CTTNBP2: variants seen among roughly 807,000 people sequenced by gnomAD.
The protein encoded by CTTNBP2 is cortactin binding protein 2, also known as cortactin-binding protein 2.
A neutral mutation model predicts 156.9 loss-of-function variants in CTTNBP2; 108 were observed. The ratio of observed to expected loss-of-function variants is 0.69; its 90% CI spans 0.59 to 0.81. CTTNBP2 has a LOEUF of 0.81. Among genes scored for constraint, CTTNBP2 ranks in the 30% least tolerant of loss-of-function variants. The pLI, the probability that CTTNBP2 is intolerant of heterozygous loss-of-function variation, is 0.00. For missense variants in CTTNBP2, 1,924 were observed against 2,035.4 expected (o/e 0.95, Z 1.05); for synonymous variants, 767 against 751.8 (o/e 1.02, Z -0.33).
At chr7:117,826,402 GTAAGTC>G (rs1482962008) in intron 2 of CTTNBP2, among the ~76,000 whole-genome samples, 1 of 152,102 alleles carries the variant, frequency 6.6e-6, no homozygotes, top group African/African-American at 2.4e-5. Context: ...CAGTTCTAAC[GTAAGTC>G]AAATGATGTG....
In CTTNBP2 at chr7:117,735,090, C is replaced by G; in HGVS notation, c.3699G>C (p.Leu1233=). The stretch of plus-strand genomic sequence containing the variant: ...TCTCATGAAAGTAATAACATTCGGA[C>G]AGTCCATTTCCTGAAACAAACCAAA... ...SPCTFQKGNG[L]SECYYFHENC... Residue 1233 remains leucine (L), a synonymous_variant, in exon 16 of 23, where the codon CTG becomes CTC. Transcript: ENST00000160373. 1 of 1,612,186 alleles carries G rather than the reference C, an allele frequency of 6.2e-7. No individual in the cohort carries two copies. The highest frequency in any genetic ancestry group is 1.7e-4 in the Middle Eastern group (1 of 6,048).
chr7:117,771,811 A>G (rs1053259454), intron 8 of CTTNBP2, among the ~76,000 whole-genome samples: 1 of 152,224 alleles, frequency 6.6e-6, no homozygotes, highest in Non-Finnish European at 1.5e-5. Context: ...AATAAAGTAC[A>G]TGCTCTCTAA....
At chr7:117,799,483 CAAAGA>C (rs944487523) in intron 3 of CTTNBP2, among the ~76,000 whole-genome samples, 3 of 151,076 alleles carry the variant, frequency 2.0e-5, no homozygotes, top group Non-Finnish European at 4.4e-5. Flanking sequence ...AACCTTCCAA[CAAAGA>C]ATAGAATGAA....
intron 2 of CTTNBP2, among the ~76,000 whole-genome samples, chr7:117,812,908 G>C (rs780854204): frequency 2.0e-5 from 3 of 152,122 alleles, no homozygotes; most frequent in Non-Finnish European, 4.4e-5. Flanking sequence ...TCTTCATTCG[G>C]TGGTACGGCA....
chr7:117,869,722 A>G (rs755688990), intron 1 of CTTNBP2, among the ~76,000 whole-genome samples: 7 of 152,184 alleles, frequency 4.6e-5, no homozygotes, highest in African/African-American at 7.2e-5. Context: ...ATACAATAAC[A>G]ATGACAGCAA....
intron 10 of CTTNBP2, 40 bp from the exon 11 acceptor site, chr7:117,758,010 A>T (rs1336519463): frequency 1.3e-6 from 2 of 1,486,632 alleles, no homozygotes; most frequent in Middle Eastern, 1.7e-4. Context: ...AGGGAAGCTT[A>T]TGAGTGGTTT....
intron 2 of CTTNBP2, among the ~76,000 whole-genome samples, chr7:117,826,971 C>T (rs1049397616): frequency 8.6e-5 from 13 of 151,830 alleles, no homozygotes; most frequent in Admixed American, 5.3e-4. Context: ...AAGCAATTCT[C>T]CTGCCTCAGC....
chr7:117,758,589 CTATT>C (rs1378444363), intron 10 of CTTNBP2, among the ~76,000 whole-genome samples: 13 of 152,068 alleles, frequency 8.5e-5, no homozygotes, highest in African/African-American at 3.1e-4. Context: ...TCTTAAGTAT[CTATT>C]CTCAGCATGC....
At chr7:117,718,822 TACTGATAGATG>T (rs1794613986) in intron 21 of CTTNBP2, among the ~76,000 whole-genome samples, 1 of 152,230 alleles carries the variant, frequency 6.6e-6, no homozygotes, top group African/African-American at 2.4e-5. Flanking sequence ...ATAATTTTCT[TACTGATAGATG>T]ACTGATATGC....
chr7:117,770,338 C>T (rs1797734894), intron 8 of CTTNBP2, among the ~76,000 whole-genome samples: 1 of 152,154 alleles, frequency 6.6e-6, no homozygotes, highest in South Asian at 2.1e-4. Flanking sequence ...GTGACTTTCT[C>T]TTTAAGGAAG....
At position 117,788,389 on chromosome 7, in the gene CTTNBP2, C is replaced by T. The variant is rs888330642; in HGVS notation, c.2068+2739G>A. Among the ~76,000 whole-genome samples, 4 of 152,152 alleles carry T rather than the reference C, an allele frequency of 2.6e-5. No homozygotes were observed. In the East Asian group the frequency reaches 7.7e-4, roughly 29 times the overall value. On this transcript the variant is annotated intron_variant, in intron 4 of 22. Coordinates refer to ENST00000160373, the MANE Select transcript of CTTNBP2 (RefSeq NM_033427.3). ...CTGCCTTACTATACTTAGTTCAGTGCTTGTTTGATCACTGAAATTGGAAGA... is the reference window on the plus strand; with the variant it reads ...CTGCCTTACTATACTTAGTTCAGTGTTTGTTTGATCACTGAAATTGGAAGA...
intron 2 of CTTNBP2, among the ~76,000 whole-genome samples, chr7:117,856,149 T>C (rs990151954): frequency 3.3e-5 from 5 of 152,204 alleles, no homozygotes; most frequent in African/African-American, 1.2e-4. Context: ...TCCAGGCTCC[T>C]ATGCAACTAG....
Position 117,845,944 on chromosome 7 carries a change from G to A in CTTNBP2, c.189+15265C>T, listed in dbSNP as rs59458875. Among the ~76,000 whole-genome samples, 1,024 of 151,994 alleles carry A rather than the reference G, an allele frequency of 6.7e-3. 8 individuals carry two copies. The highest frequency in any genetic ancestry group is 0.024 in the African/African-American group (990 of 41,444). ...TGGCTCACTGCAAGCTCCGCTTCCCGGGTTCAAGCCATTCTCCTGCTTCAG... is the reference window on the plus strand; with the variant it reads ...TGGCTCACTGCAAGCTCCGCTTCCCAGGTTCAAGCCATTCTCCTGCTTCAG... On this transcript the variant is annotated intron_variant, in intron 2 of 22. Transcript: ENST00000160373.
At chr7:117,777,228 C>T (rs148782648) in intron 8 of CTTNBP2, among the ~76,000 whole-genome samples, 2 of 152,228 alleles carry the variant, frequency 1.3e-5, no homozygotes, top group Non-Finnish European at 2.9e-5. Flanking sequence ...AAATCAATGC[C>T]AATGATTTGT....
At position 117,816,551 on chromosome 7, in the gene CTTNBP2, T is replaced by C. The variant is rs1800585917; in HGVS notation, c.190-5562A>G. Among the ~76,000 whole-genome samples the C allele has an allele frequency of 4.6e-5, 7 of 152,278 alleles. No individual in the cohort carries two copies. The South Asian group carries it at 1.4e-3, about 32-fold the overall frequency. On this transcript the variant is annotated intron_variant, in intron 2 of 22. Coordinates refer to ENST00000160373, the MANE Select transcript of CTTNBP2 (RefSeq NM_033427.3). ...TCACTGCCCCCTCTTCTTCTTGTGC[T>C]CATGTCAAAAGGTTCAGAGTTTAGC...
At chr7:117,840,080 T>C (rs115578885) in intron 2 of CTTNBP2, among the ~76,000 whole-genome samples, 2,157 of 152,290 alleles carry the variant, frequency 0.014, 56 homozygotes, top group African/African-American at 0.049. Flanking sequence ...CACCTGTTCA[T>C]ACAATCCACA....
chr7:117,741,803 ACCT>A (rs1374428210), intron 14 of CTTNBP2, among the ~76,000 whole-genome samples: 13 of 152,194 alleles, frequency 8.5e-5, no homozygotes, highest in African/African-American at 1.2e-4. Flanking sequence ...ACTTCTTTCT[ACCT>A]CGACTCTAAG....
At chr7:117,861,415 C>T (rs980564311) in intron 1 of CTTNBP2, 99 bp from the exon 2 acceptor site, 50 of 792,844 alleles carry the variant, frequency 6.3e-5, no homozygotes, top group Middle Eastern at 7.3e-4. Flanking sequence ...CCCAGTGGCT[C>T]GGCAGATCCA....
chr7:117,869,881 C>T (rs984744167), intron 1 of CTTNBP2, among the ~76,000 whole-genome samples: 9 of 152,166 alleles, frequency 5.9e-5, no homozygotes, highest in Non-Finnish European at 1.2e-4. Flanking sequence ...TCCTCAACTT[C>T]CAAGCTATTT....
Sources: allele counts gnomAD v4.1 joint callset (sites outside exome capture counted in the v4.1 genomes callset), GRCh38; gene constraint gnomAD v4.1.1; transcripts MANE v1.5; gene names NCBI Gene and HGNC (gene_info 2026-07-23, HGNC 2026-07-21).